The following CA10 variants were observed in gnomAD, a reference collection of about 807,000 sequenced individuals.
The protein encoded by CA10 is carbonic anhydrase 10 (inactive).
A neutral mutation model predicts 44.2 loss-of-function variants in CA10; 14 were observed. The ratio of observed to expected loss-of-function variants is 0.32; its 90% CI spans 0.21 to 0.50. The LOEUF is 0.50. CA10 is among the 20% of genes least tolerant of loss of function. The pLI, the probability that CA10 is intolerant of heterozygous loss-of-function variation, is 0.99. For synonymous variants in CA10, 159 were observed against 141.6 expected (o/e 1.12, Z -0.87); for missense variants, 350 against 409.7 (o/e 0.85, Z 1.26).
chr17:52,151,376 T>C (rs1449969955), intron 1 of CA10, among the ~76,000 whole-genome samples: 1 of 152,176 alleles, frequency 6.6e-6, no homozygotes, highest in Admixed American at 6.5e-5. Context: ...CCTGTTCTTT[T>C]GAAATCTCAT....
At chr17:51,834,868 G>A (rs1908418110) in intron 3 of CA10, among the ~76,000 whole-genome samples, 1 of 152,174 alleles carries the variant, frequency 6.6e-6, no homozygotes, top group African/African-American at 2.4e-5. Context: ...CTAGTGTCAT[G>A]CAAAAGCAGA....
chr17:51,959,008 A>G (rs1034544998), intron 2 of CA10, among the ~76,000 whole-genome samples: 17 of 152,092 alleles, frequency 1.1e-4, no homozygotes, highest in African/African-American at 4.1e-4. Context: ...ATTAAGCTTA[A>G]AGGTATTTTC....
chr17:52,005,637 C>T (rs1458929775), intron 2 of CA10, among the ~76,000 whole-genome samples: 4 of 151,966 alleles, frequency 2.6e-5, no homozygotes, highest in Admixed American at 1.3e-4. Context: ...CAATTCTTTA[C>T]CAGACTTTCA....
chr17:52,012,351 G>T (rs938186513), intron 2 of CA10, among the ~76,000 whole-genome samples: 5 of 151,922 alleles, frequency 3.3e-5, no homozygotes, highest in Admixed American at 2.0e-4. Context: ...GAGAATCAAA[G>T]AATGAATATG....
chr17:51,952,575 A>G (rs2144035895), intron 2 of CA10, among the ~76,000 whole-genome samples: 1 of 152,242 alleles, frequency 6.6e-6, no homozygotes, highest in Admixed American at 6.5e-5. Context: ...AATTAAAACT[A>G]AAAGAAGATC....
intron 2 of CA10, among the ~76,000 whole-genome samples, chr17:52,034,341 C>A (rs1986555660): frequency 6.6e-6 from 1 of 151,996 alleles, no homozygotes; most frequent in Admixed American, 6.5e-5. Flanking sequence ...ATATGTACAG[C>A]CTATGTCAAT....
intron 4 of CA10, among the ~76,000 whole-genome samples, chr17:51,727,647 A>T (rs1012334588): frequency 3.3e-5 from 5 of 152,208 alleles, no homozygotes; most frequent in Non-Finnish European, 7.3e-5. Flanking sequence ...GTAAATAGCA[A>T]CTTGCAAAGT....
chr17:51,691,557 T>C (rs940886161), intron 4 of CA10, among the ~76,000 whole-genome samples: 1 of 152,108 alleles, frequency 6.6e-6, no homozygotes, highest in African/African-American at 2.4e-5. Context: ...CTTGGCTGCA[T>C]AAAAGGTTTT....
intron 3 of CA10, among the ~76,000 whole-genome samples, chr17:51,840,446 A>G (rs1032052856): frequency 6.6e-6 from 1 of 151,262 alleles, no homozygotes; most frequent in Non-Finnish European, 1.5e-5. Context: ...TTTGTAATGT[A>G]CTTGAACTCT....
chr17:51,828,152 G>A (rs1272460048), intron 3 of CA10, among the ~76,000 whole-genome samples: 2 of 152,166 alleles, frequency 1.3e-5, no homozygotes, highest in Admixed American at 6.5e-5. Context: ...GTCTGGTGTT[G>A]TACAAACTAA....
intron 2 of CA10, among the ~76,000 whole-genome samples, chr17:51,942,326 C>G (rs971291841): frequency 6.6e-6 from 1 of 151,990 alleles, no homozygotes; most frequent in Non-Finnish European, 1.5e-5. Context: ...AAAGATGGAA[C>G]GAAACCACAT....
At chr17:51,651,478 T>G (rs1449973605) in intron 5 of CA10, among the ~76,000 whole-genome samples, 2 of 152,222 alleles carry the variant, frequency 1.3e-5, no homozygotes. Context: ...AAGAATGGCT[T>G]CATCCCTAGG....
intron 3 of CA10, among the ~76,000 whole-genome samples, chr17:51,751,761 G>A (rs558150595): frequency 2.0e-5 from 3 of 152,296 alleles, no homozygotes; most frequent in Non-Finnish European, 4.4e-5. Flanking sequence ...TCATATTGAA[G>A]GCCATGAAGC....
At chr17:51,704,958 C>A (rs1915716813) in intron 4 of CA10, among the ~76,000 whole-genome samples, 1 of 148,332 alleles carries the variant, frequency 6.7e-6, no homozygotes, top group Admixed American at 6.7e-5. Context: ...GACAGAGCGA[C>A]TCTGTCTAAA....
chr17:51,652,655 C>T (rs1346551877), intron 5 of CA10, among the ~76,000 whole-genome samples: 2 of 152,216 alleles, frequency 1.3e-5, no homozygotes, highest in Non-Finnish European at 2.9e-5. Flanking sequence ...GTGCCTATGG[C>T]ACGGGGTAAT....
chr17:52,146,688 A>G, intron 1 of CA10, among the ~76,000 whole-genome samples: 1 of 147,522 alleles, frequency 6.8e-6, no homozygotes, highest in East Asian at 2.1e-4. Flanking sequence ...ATAAATAAAT[A>G]AATAAATAAA....
chr17:51,729,136 A>G (rs1916626092), intron 4 of CA10, among the ~76,000 whole-genome samples: 1 of 151,906 alleles, frequency 6.6e-6, no homozygotes, highest in Non-Finnish European at 1.5e-5. Flanking sequence ...GGCCCACACA[A>G]TCTGCACAAT....
intron 4 of CA10, among the ~76,000 whole-genome samples, chr17:51,701,914 G>A (rs992811748): frequency 1.3e-5 from 2 of 152,130 alleles, no homozygotes; most frequent in Non-Finnish European, 2.9e-5. Context: ...GTCACCATGT[G>A]TACCTCCGGC....
At chr17:51,814,404 T>C (rs1047064507) in intron 3 of CA10, among the ~76,000 whole-genome samples, 3 of 152,176 alleles carry the variant, frequency 2.0e-5, no homozygotes, top group African/African-American at 7.2e-5. Context: ...TAAAATGTGT[T>C]TTGGGAAAAT....
Sources: allele counts gnomAD v4.1 joint callset (sites outside exome capture counted in the v4.1 genomes callset), GRCh38; gene constraint gnomAD v4.1.1; transcripts MANE v1.5; gene names NCBI Gene and HGNC (gene_info 2026-07-23, HGNC 2026-07-21).